Variants in CPNE8 observed in about 807,000 individuals in gnomAD.
The protein encoded by CPNE8 is copine 8, also known as copine-8.
Under a neutral mutation model 81.5 loss-of-function variants are expected in CPNE8, and 45 were observed. The ratio of observed to expected loss-of-function variants is 0.55; its 90% confidence interval spans 0.44 to 0.71. CPNE8 has a LOEUF of 0.71. Among genes scored for constraint, CPNE8 ranks in the 30% least tolerant of loss-of-function variants. The pLI is 0.00. For synonymous variants in CPNE8, 252 were observed against 226.3 expected (o/e 1.11, Z -1.02); for missense variants, 594 against 672.1 (o/e 0.88, Z 1.28).
intron 16 of CPNE8, among the ~76,000 whole-genome samples, chr12:38,682,248 T>C (rs1328593330): frequency 6.6e-6 from 1 of 151,754 alleles, no homozygotes; most frequent in East Asian, 2.0e-4. Flanking sequence ...TAGTTTCCTA[T>C]TATAACTTTG....
chr12:38,730,205 C>T (rs1940798733), intron 11 of CPNE8, 78 bp downstream of exon 11: 2 of 890,054 alleles, frequency 2.2e-6, no homozygotes, highest in African/African-American at 1.7e-5. Flanking sequence ...GGCAATTATG[C>T]TTTGCAGAAT....
chr12:38,726,243 G>T (rs1940693399), intron 11 of CPNE8: 1 of 147,436 alleles, frequency 6.8e-6, no homozygotes. Context: ...ATTAAATAAG[G>T]AAGCCCCATT....
chr12:38,738,295 T>A (rs1276990859), intron 10 of CPNE8, among the ~76,000 whole-genome samples: 1 of 152,130 alleles, frequency 6.6e-6, no homozygotes, highest in Non-Finnish European at 1.5e-5. Context: ...GATTTTAGAT[T>A]TAATAGTCTT....
chr12:38,796,927 T>C (rs1183826553), intron 6 of CPNE8, among the ~76,000 whole-genome samples: 4 of 152,134 alleles, frequency 2.6e-5, no homozygotes, highest in Non-Finnish European at 2.9e-5. Flanking sequence ...CCTACGTCCA[T>C]GGAGTCTCGC....
At position 38,716,279 on chromosome 12, in the gene CPNE8, C is replaced by A. The variant is rs188816016; in HGVS notation, c.914+7493G>T. 2.8e-4 allele frequency among the ~76,000 whole-genome samples: 43 copies of A among 152,118 alleles called. 1 individual carries two copies. In the East Asian group the frequency reaches 3.7e-3, roughly 13 times the overall value. Reference sequence around the variant, plus strand: ...CCATCAATACCAGCATTATTCTTGACAGAATGAGTAAACACTATCCTAAAA... The same window carrying A: ...CCATCAATACCAGCATTATTCTTGAAAGAATGAGTAAACACTATCCTAAAA... On this transcript the variant is annotated intron_variant, in intron 13 of 19. Coordinates refer to ENST00000331366, the MANE Select transcript of CPNE8 (RefSeq NM_153634.3).
At chr12:38,672,345 A>G (rs1373570842) in intron 18 of CPNE8, among the ~76,000 whole-genome samples, 1 of 152,194 alleles carries the variant, frequency 6.6e-6, no homozygotes, top group Non-Finnish European at 1.5e-5. Flanking sequence ...CCCACTTTTC[A>G]GCATGTCTGG....
At chr12:38,793,372 CA>C (rs1205118378) in intron 6 of CPNE8, among the ~76,000 whole-genome samples, 1 of 150,790 alleles carries the variant, frequency 6.6e-6, no homozygotes, top group East Asian at 1.9e-4. Flanking sequence ...AACTAATAAA[CA>C]AATTCAAATT....
rs1005132359 is a variant in CPNE8, at chr12:38,742,206, T to A, written c.723-11848A>T. Among the ~76,000 whole-genome samples the A allele has an allele frequency of 3.9e-5, 6 of 152,282 alleles. No individual in the cohort carries two copies. The South Asian group carries it at 1.2e-3, about 32-fold the overall frequency. On this transcript the variant is annotated intron_variant, in intron 10 of 19. Transcript: ENST00000331366. ...CCCAAAGGATTATAAATCATGCCGC[T>A]ATGAAGACACATGCACATACATGTA...
At chr12:38,878,981 A>T (rs139837064) in intron 1 of CPNE8, among the ~76,000 whole-genome samples, 2 of 152,354 alleles carry the variant, frequency 1.3e-5, no homozygotes, top group African/African-American at 4.8e-5. Context: ...TGATTCAGCT[A>T]CGACAACAAC....
chr12:38,725,757 A>C (rs1032556284), intron 11 of CPNE8, among the ~76,000 whole-genome samples: 1 of 152,216 alleles, frequency 6.6e-6, no homozygotes, highest in African/African-American at 2.4e-5. Context: ...GAGCCCACAC[A>C]ACCGGATCAG....
intron 14 of CPNE8, among the ~76,000 whole-genome samples, chr12:38,699,599 A>G (rs562027707): frequency 2.3e-3 from 332 of 142,498 alleles, no homozygotes; most frequent in Non-Finnish European, 3.2e-3. Flanking sequence ...CCTTTCCCTC[A>G]TTCTTACCTT....
intron 6 of CPNE8, among the ~76,000 whole-genome samples, chr12:38,822,455 G>A (rs1444158659): frequency 1.3e-5 from 2 of 151,990 alleles, no homozygotes; most frequent in South Asian, 2.1e-4. Flanking sequence ...ATGAAGGAAG[G>A]AAGGAAAGAT....
chr12:38,871,323 G>T (rs73084085), intron 3 of CPNE8, among the ~76,000 whole-genome samples: 325 of 152,224 alleles, frequency 2.1e-3, no homozygotes, highest in Non-Finnish European at 4.0e-3. Context: ...TATAACTTAG[G>T]TATCCTTATC....
Position 38,653,642 on chromosome 12 carries a change from A to T in CPNE8, c.*240T>A. 3.7e-5 allele frequency: 11 copies of T among 300,696 alleles called. No homozygotes were observed. The highest frequency in any genetic ancestry group is 4.7e-5 in the East Asian group (1 of 21,394). 18.6% of individuals were successfully genotyped at this position (300,696 alleles called of 1,614,324 possible). The stretch of plus-strand genomic sequence containing the variant: ...TAAAAAAAAAAAGAAAGAAAGATTT[A>T]GAGAAGACATCCATACTTTGCTTCA... On this transcript the variant is annotated 3_prime_UTR_variant, in exon 20 of 20. Coordinates refer to ENST00000331366, the MANE Select transcript of CPNE8 (RefSeq NM_153634.3).
intron 1 of CPNE8, among the ~76,000 whole-genome samples, chr12:38,893,367 C>T (rs1207401340): frequency 6.6e-6 from 1 of 152,186 alleles, no homozygotes; most frequent in Non-Finnish European, 1.5e-5. Flanking sequence ...CCCACCAAAA[C>T]CAATATGACA....
At chr12:38,741,431 A>G (rs1303060429) in intron 10 of CPNE8, among the ~76,000 whole-genome samples, 1 of 152,222 alleles carries the variant, frequency 6.6e-6, no homozygotes, top group Non-Finnish European at 1.5e-5. Flanking sequence ...AGAAATGGGG[A>G]AAAGATTCCC....
At chr12:38,807,555 A>G (rs1475259285) in intron 6 of CPNE8, among the ~76,000 whole-genome samples, 2 of 150,784 alleles carry the variant, frequency 1.3e-5, no homozygotes, top group African/African-American at 4.9e-5. Flanking sequence ...CCATATGTAG[A>G]AAGCTGAAAC....
intron 5 of CPNE8, 151 bp downstream of exon 5, chr12:38,839,765 T>G (rs1218268607): frequency 1.5e-6 from 1 of 678,370 alleles, no homozygotes; most frequent in Non-Finnish European, 2.1e-6. Flanking sequence ...CCAAAATGTT[T>G]TTCTGGGGTT....
At chr12:38,759,642 A>T (rs1941534905) in intron 10 of CPNE8, among the ~76,000 whole-genome samples, 1 of 152,202 alleles carries the variant, frequency 6.6e-6, no homozygotes, top group African/African-American at 2.4e-5. Context: ...TTAAAGACTG[A>T]AATATTTGAG....
Sources: allele counts gnomAD v4.1 joint callset (sites outside exome capture counted in the v4.1 genomes callset), GRCh38; gene constraint gnomAD v4.1.1; transcripts MANE v1.5; gene names NCBI Gene and HGNC (gene_info 2026-07-23, HGNC 2026-07-21).